MARCHF1: variants seen among roughly 807,000 people sequenced by gnomAD.
MARCHF1 encodes membrane associated ring-CH-type finger 1.
In MARCHF1, 40 loss-of-function variants were observed where a neutral mutation model predicts 54.2. That is an observed-to-expected ratio of 0.74 (90% CI 0.57 to 0.96). The LOEUF is 0.96. Among genes scored for constraint, MARCHF1 ranks in the 40% least tolerant of loss-of-function variants. The pLI, the probability that MARCHF1 is intolerant of heterozygous loss-of-function variation, is 0.00. For synonymous variants in MARCHF1, 236 were observed against 236.3 expected (o/e 1.00, Z 0.01); for missense variants, 586 against 656.5 (o/e 0.89, Z 1.17).
chr4:164,020,434 C>T (rs1275155401), intron 2 of MARCHF1, among the ~76,000 whole-genome samples: 2 of 152,174 alleles, frequency 1.3e-5, no homozygotes, highest in Non-Finnish European at 2.9e-5. Flanking sequence ...ATTGGAGTTT[C>T]GCACTCCTTA....
chr4:163,766,428 T>A (rs951260118), intron 4 of MARCHF1, among the ~76,000 whole-genome samples: 1 of 152,166 alleles, frequency 6.6e-6, no homozygotes, highest in Non-Finnish European at 1.5e-5. Flanking sequence ...TAGCACATAA[T>A]ATTAAAAATA....
At chr4:164,233,670 T>C (rs1732474918) in intron 1 of MARCHF1, among the ~76,000 whole-genome samples, 1 of 152,082 alleles carries the variant, frequency 6.6e-6, no homozygotes, top group Non-Finnish European at 1.5e-5. Context: ...CAAGTGTAGG[T>C]CCTATCCTCC....
chr4:163,969,792 A>G (rs981083720), intron 3 of MARCHF1, among the ~76,000 whole-genome samples: 1 of 152,230 alleles, frequency 6.6e-6, no homozygotes, highest in Non-Finnish European at 1.5e-5. Flanking sequence ...TTGAAATGGT[A>G]TAAGAAATGA....
intron 1 of MARCHF1, among the ~76,000 whole-genome samples, chr4:164,249,480 T>C (rs553760832): frequency 2.6e-5 from 4 of 151,834 alleles, no homozygotes; most frequent in Middle Eastern, 3.4e-3. Flanking sequence ...TTCCAAAGAG[T>C]AGGCAAGAAA....
intron 7 of MARCHF1, among the ~76,000 whole-genome samples, chr4:163,610,198 T>C (rs1000558422): frequency 1.3e-5 from 2 of 152,166 alleles, no homozygotes; most frequent in African/African-American, 2.4e-5. Context: ...TACTATCTTA[T>C]ATGCTTTTTT....
chr4:163,950,620 G>A (rs1455855786), intron 3 of MARCHF1, among the ~76,000 whole-genome samples: 1 of 152,144 alleles, frequency 6.6e-6, no homozygotes, highest in Non-Finnish European at 1.5e-5. Context: ...AGCTCCCGCT[G>A]GCTCCGTGGG....
At chr4:163,634,157 G>T (rs1742220110) in intron 5 of MARCHF1, among the ~76,000 whole-genome samples, 1 of 152,134 alleles carries the variant, frequency 6.6e-6, no homozygotes, top group African/African-American at 2.4e-5. Context: ...AAAATGTAAA[G>T]ACCATAGAGA....
At chr4:164,209,812 A>C (rs567057960) in intron 1 of MARCHF1, among the ~76,000 whole-genome samples, 1 of 152,306 alleles carries the variant, frequency 6.6e-6, no homozygotes, top group Admixed American at 6.5e-5. Flanking sequence ...TCTCTCAATT[A>C]ATTTTACTAA....
chr4:164,236,850 C>G (rs1480270928), intron 1 of MARCHF1, among the ~76,000 whole-genome samples: 1 of 152,148 alleles, frequency 6.6e-6, no homozygotes, highest in East Asian at 1.9e-4. Context: ...TATAATTTCT[C>G]TCTGACCCCT....
chr4:164,032,818 T>C (rs1753906533), intron 2 of MARCHF1, among the ~76,000 whole-genome samples: 1 of 151,960 alleles, frequency 6.6e-6, no homozygotes, highest in African/African-American at 2.4e-5. Flanking sequence ...AAAATTCATA[T>C]GGGACCGAAA....
chr4:163,851,535 C>T (rs920163847), intron 4 of MARCHF1, among the ~76,000 whole-genome samples: 8 of 152,176 alleles, frequency 5.3e-5, no homozygotes, highest in Admixed American at 4.6e-4. Context: ...AACCAGAGAT[C>T]ACGGATTTGT....
intron 8 of MARCHF1, among the ~76,000 whole-genome samples, chr4:163,574,623 G>T (rs1459682975): frequency 2.0e-5 from 3 of 149,596 alleles, no homozygotes; most frequent in Non-Finnish European, 4.5e-5. Context: ...TCAGATAGTT[G>T]TAGATATGCG....
chr4:164,165,658 C>T (rs1447774488), intron 1 of MARCHF1, among the ~76,000 whole-genome samples: 1 of 151,888 alleles, frequency 6.6e-6, no homozygotes, highest in Non-Finnish European at 1.5e-5. Flanking sequence ...ATATTGAAGG[C>T]CTCTTGTAGA....
intron 4 of MARCHF1, among the ~76,000 whole-genome samples, chr4:163,779,317 G>C (rs1300558998): frequency 6.6e-6 from 1 of 152,152 alleles, no homozygotes; most frequent in Non-Finnish European, 1.5e-5. Flanking sequence ...ATATATGAAA[G>C]ATAAGTCAAG....
At chr4:164,322,160 TA>T (rs1373296800) in intron 1 of MARCHF1, among the ~76,000 whole-genome samples, 1 of 152,004 alleles carries the variant, frequency 6.6e-6, no homozygotes, top group Non-Finnish European at 1.5e-5. Flanking sequence ...ATGAAAGCAA[TA>T]AAATTGAATA....
chr4:163,833,415 T>C (rs1180221114), intron 4 of MARCHF1, among the ~76,000 whole-genome samples: 1 of 152,000 alleles, frequency 6.6e-6, no homozygotes, highest in Non-Finnish European at 1.5e-5. Context: ...GAAACCACCA[T>C]CAGAGTGAAC....
intron 1 of MARCHF1, among the ~76,000 whole-genome samples, chr4:164,338,615 A>T (rs1212785045): frequency 6.6e-6 from 1 of 152,230 alleles, no homozygotes; most frequent in African/African-American, 2.4e-5. Flanking sequence ...ATTATATAAG[A>T]CAAAACAGAC....
At chr4:164,313,348 CAAAAAA>C (rs553280791) in intron 1 of MARCHF1, among the ~76,000 whole-genome samples, 2 of 80,240 alleles carry the variant, frequency 2.5e-5, no homozygotes, top group Admixed American at 1.2e-4. Context: ...GACTCTGTCT[CAAAAAA>C]AAAAAAAAAA....
intron 1 of MARCHF1, among the ~76,000 whole-genome samples, chr4:164,220,929 G>T (rs371678892): frequency 6.6e-6 from 1 of 151,488 alleles, no homozygotes; most frequent in Admixed American, 6.6e-5. Context: ...GTATTTTACA[G>T]GCACTTTAAG....
Sources: gnomAD v4.1 joint callset for allele counts (sites outside exome capture counted in the v4.1 genomes callset) on GRCh38, gnomAD v4.1.1 for gene constraint, MANE v1.5 for transcripts, NCBI Gene and HGNC (gene_info 2026-07-23, HGNC 2026-07-21) for gene names.